Variants in PWWP2A observed in about 807,000 individuals in gnomAD.
The protein encoded by PWWP2A is PWWP domain-containing protein 2A.
PWWP2A carries 18 observed loss-of-function variants against 48.5 expected under a neutral mutation model. The observed-to-expected ratio is 0.37, with a 90% CI of 0.26 to 0.55. The LOEUF is 0.55. Ranked by LOEUF, PWWP2A falls within the 20% of genes least tolerant of loss-of-function variation. The probability of loss-of-function intolerance (pLI) is 0.81; values close to 1 mark genes in which losing one functional copy is unlikely to be tolerated. For synonymous variants in PWWP2A, 396 were observed against 387.7 expected (o/e 1.02, Z -0.25); for missense variants, 867 against 976.4 (o/e 0.89, Z 1.49).
chr5:160,064,223 C>T (rs1284726313), intron 4 of PWWP2A, among the ~76,000 whole-genome samples: 1 of 152,172 alleles, frequency 6.6e-6, no homozygotes, highest in Non-Finnish European at 1.5e-5. Context: ...CCCATCTCGG[C>T]CTCCCAAAGT....
the PWWP2A span, among the ~76,000 whole-genome samples, chr5:160,053,332 C>T: frequency 3.3e-5 from 5 of 152,086 alleles, no homozygotes; most frequent in African/African-American, 1.2e-4. Context: ...GTGGCTCACA[C>T]CTGTAATCCC....
intron 1 of PWWP2A, among the ~76,000 whole-genome samples, chr5:160,112,917 G>A (rs542353684): frequency 8.5e-5 from 13 of 152,174 alleles, no homozygotes; most frequent in Admixed American, 2.6e-4. Context: ...CAACACTTTG[G>A]GAGGCCGAGG....
chr5:160,052,874 C>A, the PWWP2A span, among the ~76,000 whole-genome samples: 2 of 152,188 alleles, frequency 1.3e-5, no homozygotes, highest in Non-Finnish European at 2.9e-5. Flanking sequence ...TCGGTTGCTT[C>A]TAAAATGAAT....
intron 1 of PWWP2A, among the ~76,000 whole-genome samples, chr5:160,102,992 A>G (rs1291300298): frequency 2.6e-5 from 4 of 152,252 alleles, no homozygotes; most frequent in Non-Finnish European, 5.9e-5. Context: ...TACTCTATCA[A>G]TGTTTCTTTA....
At chr5:160,113,321 G>C in intron 1 of PWWP2A, 1 of 983,090 alleles carries the variant, frequency 1.0e-6, no homozygotes, top group Non-Finnish European at 1.2e-6. Flanking sequence ...AAATAAATCT[G>C]AAAATAATGC....
downstream of PWWP2A, among the ~76,000 whole-genome samples, chr5:160,060,210 C>T (rs550419315): frequency 1.3e-5 from 2 of 152,100 alleles, no homozygotes; most frequent in Non-Finnish European, 2.9e-5. Flanking sequence ...AATCCATGCC[C>T]GAGTGATCTT....
the PWWP2A span, among the ~76,000 whole-genome samples, chr5:160,047,160 A>C: frequency 6.6e-6 from 1 of 152,098 alleles, no homozygotes; most frequent in African/African-American, 2.4e-5. Context: ...TTCAACTCTG[A>C]CTTCTACCCT....
chr5:160,089,998 G>C, downstream of PWWP2A: 1 of 985,042 alleles, frequency 1.0e-6, no homozygotes, highest in Non-Finnish European at 1.2e-6. Flanking sequence ...ACACATTTAA[G>C]ATTAGAGAGA....
intron 4 of PWWP2A, chr5:160,065,059 CAGATAACAA>C (rs775006973): frequency 1.9e-5 from 31 of 1,609,876 alleles, no homozygotes; most frequent in Non-Finnish European, 2.5e-5. Context: ...CAAATAATAA[CAGATAACAA>C]AGATAACAAA....
chr5:160,048,139 T>C, the PWWP2A span, among the ~76,000 whole-genome samples: 1 of 129,430 alleles, frequency 7.7e-6, no homozygotes, highest in African/African-American at 2.9e-5. Flanking sequence ...TTTTTTTTTT[T>C]TTTTTTTTTT....
Position 160,082,537 on chromosome 5 carries a change from A to C in PWWP2A, c.1550-1767T>G, listed in dbSNP as rs115966752. 1.0e-2 allele frequency among the ~76,000 whole-genome samples: 1,518 copies of C among 152,306 alleles called. 17 individuals are homozygous for C. The highest frequency in any genetic ancestry group is 0.02 in the Middle Eastern group (6 of 294). On this transcript the variant is annotated intron_variant, in intron 2 of 3. Coordinates refer to the PWWP2A transcript ENST00000456329. ...AATCATTCTAGAGAATCTGCTTTTC[A>C]ATTTTAAGCAAGGAGAGTCAAGATG...
rs1367556382 is a variant in PWWP2A at position 160,115,013 on chromosome 5, T to C, written c.584+3792A>G. On this transcript the variant is annotated intron_variant, in intron 1 of 1. Coordinates refer to ENST00000307063, the MANE Select transcript of PWWP2A (RefSeq NM_001130864.2). The stretch of plus-strand genomic sequence containing the variant: ...TTAGCCAGGCGTGCTGGCATGTGTC[T>C]GTAGTCCCAGCTACTCAGGAGGCTG... 2.0e-5 allele frequency among the ~76,000 whole-genome samples: 3 copies of C among 151,828 alleles called. No individual in the cohort carries two copies. In the East Asian group the frequency reaches 5.8e-4, roughly 30 times the overall value.
chr5:160,085,505 CTTT>C (rs5872628), intron 2 of PWWP2A, among the ~76,000 whole-genome samples: 12 of 109,804 alleles, frequency 1.1e-4, no homozygotes, highest in Admixed American at 2.0e-4. Flanking sequence ...CTGTCACATT[CTTT>C]TTTTTTTTTT....
chr5:160,050,976 G>GT, the PWWP2A span, among the ~76,000 whole-genome samples: 29 of 94,608 alleles, frequency 3.1e-4, no homozygotes, highest in South Asian at 1.0e-3. Context: ...AAATACTTGG[G>GT]GTTTTTTTTT....
downstream of PWWP2A, chr5:160,089,864 T>C: frequency 3.0e-6 from 3 of 985,256 alleles, no homozygotes; most frequent in Non-Finnish European, 3.6e-6. Flanking sequence ...CAAAGAGAAA[T>C]ATAAAGTGGC....
chr5:160,112,911 A>C (rs1167983142), intron 1 of PWWP2A, among the ~76,000 whole-genome samples: 1 of 152,110 alleles, frequency 6.6e-6, no homozygotes, highest in African/African-American at 2.4e-5. Flanking sequence ...TAATCCCAAC[A>C]CTTTGGGAGG....
At chr5:160,064,189 G>A (rs771308283) in intron 4 of PWWP2A, among the ~76,000 whole-genome samples, 1 of 151,886 alleles carries the variant, frequency 6.6e-6, no homozygotes, top group Non-Finnish European at 1.5e-5. Flanking sequence ...GGCTGGTCTC[G>A]AACTCCTGAC....
chr5:160,119,070 G>C lies in PWWP2A; in HGVS notation c.319C>G (p.Pro107Ala), dbSNP rs773054961. 2 of 1,589,486 alleles carry C rather than the reference G, an allele frequency of 1.3e-6. No homozygotes were observed. The highest frequency in any genetic ancestry group is 1.7e-6 in the Non-Finnish European group (2 of 1,176,078). ...VRVAESAAAAPQGGPELPPSP... is the reference protein window; with the variant it reads ...VRVAESAAAAAQGGPELPPSP... The stretch of plus-strand genomic sequence containing the variant: ...GGTGGAAGTTCCGGCCCTCCCTGAG[G>C]CGCGGCTGCCGCCGACTCCGCCACC... The change falls in exon 1 of 2, where the codon CCT (proline) becomes GCT (alanine). Residue 107 changes from proline (P) to alanine (A), a missense_variant. By Grantham distance (27) the Pro-to-Ala change is conservative. Around this residue, in one of 4 missense-constraint regions of PWWP2A, gnomAD observed 385 missense variants for 396.9 expected, o/e 0.97. Transcript: ENST00000307063.
At chr5:160,053,732 A>G in the PWWP2A span, among the ~76,000 whole-genome samples, 3 of 152,198 alleles carry the variant, frequency 2.0e-5, no homozygotes, top group Admixed American at 6.5e-5. Flanking sequence ...CAGGGATTAC[A>G]TTGAATCTGT....
Sources: allele counts gnomAD v4.1 joint callset (sites outside exome capture counted in the v4.1 genomes callset), GRCh38; gene constraint gnomAD v4.1.1; regional missense constraint gnomAD v4.1.1; transcripts MANE v1.5; gene names NCBI Gene and HGNC (gene_info 2026-07-23, HGNC 2026-07-21).